Variants in TTC27 observed in about 807,000 individuals in gnomAD.
The protein encoded by TTC27 is tetratricopeptide repeat protein 27.
A neutral mutation model predicts 115.9 loss-of-function variants in TTC27; 79 were observed. That is an observed-to-expected ratio of 0.68 (90% CI 0.57 to 0.82). TTC27 has a LOEUF of 0.82. Ranked by LOEUF, TTC27 falls within the 40% of genes least tolerant of loss-of-function variation. The pLI is 0.00. For synonymous variants in TTC27, 401 were observed against 356.0 expected, an observed-to-expected ratio of 1.13 and a Z score of -1.42; for missense variants, 1,054 against 993.1, an observed-to-expected ratio of 1.06 and a Z score of -0.82.
At chr2:32,677,662 G>A (rs567962837) in intron 8 of TTC27, among the ~76,000 whole-genome samples, 72 of 152,004 alleles carry the variant, frequency 4.7e-4, no homozygotes, top group Non-Finnish European at 8.8e-4. Context: ...TGTTGGCCAG[G>A]ATGGTCTCGA....
intron 19 of TTC27, among the ~76,000 whole-genome samples, chr2:32,817,960 G>A (rs1426733947): frequency 1.3e-5 from 2 of 152,070 alleles, no homozygotes; most frequent in Non-Finnish European, 1.5e-5. Flanking sequence ...AGGAGGCTGA[G>A]GCAGGAGAAT....
At chr2:32,686,233 T>A (rs1281899323) in intron 9 of TTC27, among the ~76,000 whole-genome samples, 1 of 152,220 alleles carries the variant, frequency 6.6e-6, no homozygotes, top group Admixed American at 6.5e-5. Context: ...CTCAGTATGT[T>A]GAATTCACAA....
At chr2:32,734,751 G>T (rs1668398351) in intron 11 of TTC27, among the ~76,000 whole-genome samples, 2 of 152,068 alleles carry the variant, frequency 1.3e-5, no homozygotes, top group South Asian at 2.1e-4. Flanking sequence ...ACATGAACTA[G>T]GTTTCTAGTT....
intron 12 of TTC27, among the ~76,000 whole-genome samples, chr2:32,755,370 T>C (rs990366314): frequency 1.3e-5 from 2 of 152,178 alleles, no homozygotes; most frequent in Non-Finnish European, 2.9e-5. Context: ...CACTCGCGGT[T>C]AGGAGCTGGA....
At chr2:32,775,237 A>G (rs559503792) in intron 13 of TTC27, among the ~76,000 whole-genome samples, 1 of 152,190 alleles carries the variant, frequency 6.6e-6, no homozygotes, top group African/African-American at 2.4e-5. Flanking sequence ...TCGCTCTGTC[A>G]CCCGGGCTGG....
intron 14 of TTC27, among the ~76,000 whole-genome samples, chr2:32,778,839 T>C (rs1037219131): frequency 6.6e-6 from 1 of 152,262 alleles, no homozygotes; most frequent in Non-Finnish European, 1.5e-5. Flanking sequence ...ATGTTTCCAT[T>C]TCTCTTGGTT....
chr2:32,734,564 G>T (rs545256691), intron 11 of TTC27, among the ~76,000 whole-genome samples: 1 of 152,152 alleles, frequency 6.6e-6, no homozygotes, highest in Non-Finnish European at 1.5e-5. Flanking sequence ...GGCACATGGT[G>T]GGGTGGGGAT....
rs778130861 is a variant in TTC27 at position 32,664,326 on chromosome 2, G to T, written c.664G>T (p.Val222Leu). 82 of 1,605,118 alleles carry T rather than the reference G, an allele frequency of 5.1e-5. 2 individuals carry two copies. Among genetic ancestry groups the T allele is most frequent in the Non-Finnish European group, 3.4e-6 (4 of 1,175,938 alleles). ...AGTGATGAAACTACAGAATCTGTTTGTAGATGATTCAGGTCGATATTTGGC... is the reference window on the plus strand; with the variant it reads ...AGTGATGAAACTACAGAATCTGTTTTTAGATGATTCAGGTCGATATTTGGC... ...DQVMKLQNLF[V>L]DDSGRYLAIQ... The change falls in exon 6 of 20, where the codon GTA becomes TTA. Residue 222 changes from valine to leucine, a missense_variant. Physicochemically the swap from Val to Leu is conservative, Grantham distance 32. Coordinates refer to ENST00000317907, the MANE Select transcript of TTC27 (RefSeq NM_017735.5).
intron 10 of TTC27, among the ~76,000 whole-genome samples, chr2:32,709,624 T>C (rs1667507763): frequency 6.6e-6 from 1 of 152,168 alleles, no homozygotes; most frequent in South Asian, 2.1e-4. Flanking sequence ...GGCTGTCTCC[T>C]TGGGCTGAAA....
In TTC27 at chr2:32,651,064, G is replaced by C. The variant is rs151243312; in HGVS notation, c.640+831G>C. Among the ~76,000 whole-genome samples the C allele has an allele frequency of 9.5e-3, 1,440 of 152,224 alleles. 12 individuals are homozygous for C. Among genetic ancestry groups the C allele is most frequent in the Middle Eastern group, 0.027 (8 of 292 alleles). ...TCTTGTGGTGAAGGAATATGTGAAC[G>C]TAAATGAACTTGGACTTGACCATGA... On this transcript the variant is annotated intron_variant, in intron 5 of 19. Transcript: ENST00000317907.
intron 8 of TTC27, among the ~76,000 whole-genome samples, chr2:32,678,246 C>G (rs1164050136): frequency 7.7e-6 from 1 of 130,396 alleles, no homozygotes; most frequent in Non-Finnish European, 1.7e-5. Flanking sequence ...CACAGTGAGC[C>G]CTGTCTCAAA....
Position 32,678,851 on chromosome 2 carries a change from T to C in TTC27, c.1053-5T>C. 6.2e-7 allele frequency: 1 copy of C among 1,604,028 alleles called. No homozygotes were observed. Among genetic ancestry groups the C allele is most frequent in the Non-Finnish European group, 8.5e-7 (1 of 1,175,196 alleles). ...ATTAATTTACCTTTTTTTCTTAATTTAAAGCACTAATTTTCAAAAGAATAA... is the reference window on the plus strand; with the variant it reads ...ATTAATTTACCTTTTTTTCTTAATTCAAAGCACTAATTTTCAAAAGAATAA... On this transcript the variant is annotated splice_region_variant and splice_polypyrimidine_tract_variant and intron_variant, in intron 8 of 19. Coordinates refer to ENST00000317907, the MANE Select transcript of TTC27 (RefSeq NM_017735.5).
chr2:32,799,800 A>G (rs1330561538), intron 16 of TTC27, among the ~76,000 whole-genome samples: 1 of 152,238 alleles, frequency 6.6e-6, no homozygotes, highest in East Asian at 1.9e-4. Flanking sequence ...TAATGATGGC[A>G]TTTTAAATCT....
At chr2:32,650,780 T>C (rs1431022241) in intron 5 of TTC27, among the ~76,000 whole-genome samples, 1 of 152,234 alleles carries the variant, frequency 6.6e-6, no homozygotes, top group East Asian at 1.9e-4. Flanking sequence ...ATTTTATTAG[T>C]ATTTTTTGTA....
intron 16 of TTC27, among the ~76,000 whole-genome samples, 193 bp downstream of exon 16, chr2:32,787,342 G>A (rs1242090120): frequency 6.6e-6 from 1 of 152,048 alleles, no homozygotes; most frequent in Non-Finnish European, 1.5e-5. Context: ...AAATTTGTTT[G>A]TACAGTCATA....
At chr2:32,690,518 A>C (rs1448892784) in intron 9 of TTC27, among the ~76,000 whole-genome samples, 1 of 152,222 alleles carries the variant, frequency 6.6e-6, no homozygotes, top group East Asian at 1.9e-4. Context: ...AATATTTAGG[A>C]CTGAGCAGTC....
intron 1 of TTC27, among the ~76,000 whole-genome samples, chr2:32,629,601 A>ATT (rs367775246): frequency 3.4e-5 from 5 of 148,874 alleles, no homozygotes; most frequent in Non-Finnish European, 7.4e-5. Context: ...CGACCAGCTA[A>ATT]TTTTTTTTTT....
intron 2 of TTC27, among the ~76,000 whole-genome samples, chr2:32,632,182 G>A (rs959668782): frequency 1.0e-5 from 1 of 99,262 alleles, no homozygotes. Flanking sequence ...TTTTTTTTTA[G>A]TTCCTTTTTG....
In TTC27 at chr2:32,777,985, G is replaced by C. The variant is rs764420271; in HGVS notation, c.1779+5G>C. The C allele has an allele frequency of 1.9e-6, 3 of 1,613,808 alleles. No individual in the cohort carries two copies. In the African/African-American group the frequency reaches 4.0e-5, roughly 22 times the overall value. ...TGTGTGACTCTAGAACCCGATGTAA[G>C]TTTGTTTGATCTTCTGTCCTTACGT... On this transcript the variant is annotated splice_donor_5th_base_variant and intron_variant, in intron 14 of 19. Coordinates refer to ENST00000317907, the MANE Select transcript of TTC27 (RefSeq NM_017735.5).
Sources: gnomAD v4.1 joint callset for allele counts (sites outside exome capture counted in the v4.1 genomes callset) on GRCh38, gnomAD v4.1.1 for gene constraint, MANE v1.5 for transcripts, NCBI Gene and HGNC (gene_info 2026-07-23, HGNC 2026-07-21) for gene names.